ZNF346: variants seen among roughly 807,000 people sequenced by gnomAD.
ZNF346 encodes zinc finger protein 346, also known as double-stranded RNA-binding zinc finger protein JAZ.
A neutral mutation model predicts 33.7 loss-of-function variants in ZNF346; 23 were observed. The observed-to-expected ratio is 0.68, with a 90% confidence interval of 0.49 to 0.97. The LOEUF (loss-of-function observed/expected upper bound fraction) is 0.97. ZNF346 is among the 50% of genes least tolerant of loss of function. ZNF346 has a pLI of 0.00. For missense variants in ZNF346, 340 were observed against 371.1 expected (o/e 0.92, Z 0.69); for synonymous variants, 134 against 142.4 (o/e 0.94, Z 0.42).
chr5:177,079,842 G>T (rs1298340304), exon 9 of ZNF346: 2 of 152,288 alleles, frequency 1.3e-5, no homozygotes, highest in Non-Finnish European at 2.9e-5. Context: ...TGGGTGTGAG[G>T]CTTGTAGGCC....
At chr5:177,069,419 C>T (rs1403741125), downstream of ZNF346, among the ~76,000 whole-genome samples, 3 of 150,000 alleles carry the variant, frequency 2.0e-5, no homozygotes, top group East Asian at 5.9e-4. Context: ...CGCCACTGCA[C>T]TCCAGCCTAG....
At chr5:177,073,734 A>G (rs73806719) in intron 8 of ZNF346, among the ~76,000 whole-genome samples, 101 of 150,060 alleles carry the variant, frequency 6.7e-4, no homozygotes, top group African/African-American at 2.3e-3. Context: ...GATTGTTTCA[A>G]TAATGGCCTC....
intron 1 of ZNF346, 62 bp from the exon 2 acceptor site, chr5:177,041,064 A>G: frequency 7.6e-7 from 1 of 1,310,236 alleles, no homozygotes; most frequent in Non-Finnish European, 1.1e-6. Flanking sequence ...GGCAGGGTTC[A>G]AAGGCAGTGC....
intron 1 of ZNF346, among the ~76,000 whole-genome samples, chr5:177,027,447 G>A (rs1776954782): frequency 6.6e-6 from 1 of 151,770 alleles, no homozygotes. Flanking sequence ...TTAGCCAGGT[G>A]TGGTGGCTCA....
intron 5 of ZNF346, among the ~76,000 whole-genome samples, chr5:177,061,217 C>T (rs910597396): frequency 5.3e-5 from 8 of 152,170 alleles, no homozygotes; most frequent in African/African-American, 1.9e-4. Context: ...GAGGCCTAGA[C>T]GGATGGATCA....
chr5:177,029,595 A>C lies in ZNF346; in HGVS notation c.175+6682A>C, dbSNP rs114508601. On this transcript the variant is annotated intron_variant, in intron 1 of 6. Coordinates refer to ENST00000358149, the MANE Select transcript of ZNF346 (RefSeq NM_012279.4). ...AGGCAACTCTTAGAGCAAGAGTGAA[A>C]GTTTATTAAAAAGTTTTAGGGCAGG... 9.1e-3 allele frequency among the ~76,000 whole-genome samples: 1,384 copies of C among 152,346 alleles called. 8 individuals carry two copies. Among genetic ancestry groups the C allele is most frequent in the South Asian group, 0.025 (120 of 4,828 alleles).
chr5:177,074,910 CA>C (rs1479315521), intron 8 of ZNF346, among the ~76,000 whole-genome samples: 1 of 151,350 alleles, frequency 6.6e-6, no homozygotes, highest in Non-Finnish European at 1.5e-5. Flanking sequence ...ACTAAAAATA[CA>C]AAAATTTAGC....
At position 177,064,601 on chromosome 5, in the gene ZNF346, G is replaced by A. The variant is rs151183135; in HGVS notation, c.*2G>A. Reference sequence around the variant, plus strand: ...GACTCAACCACCTTGGAAGACTAGAGGTGATTCTGCCCAGCATCCCATATT... The same window carrying A: ...GACTCAACCACCTTGGAAGACTAGAAGTGATTCTGCCCAGCATCCCATATT... On this transcript the variant is annotated 3_prime_UTR_variant, in exon 7 of 7. Transcript: ENST00000358149. 1 of 1,613,428 alleles carries A rather than the reference G, an allele frequency of 6.2e-7. No individual in the cohort carries two copies.
In ZNF346 at chr5:177,064,565, C is replaced by T. The variant is rs1782963021; in HGVS notation, c.851C>T (p.Pro284Leu). Residue 284 changes from proline (P) to leucine (L), a missense_variant, in exon 7 of 7, where the codon CCC becomes CTC. Coordinates refer to ENST00000358149, the MANE Select transcript of ZNF346 (RefSeq NM_012279.4). ...SLGQIPMQRQ[P>L]IQKDSTTLED ...GGCCAGATTCCAATGCAAAGGCAAC[C>T]CATTCAGAAAGACTCAACCACCTTG... 2 of 1,614,110 alleles carry T rather than the reference C, an allele frequency of 1.2e-6. No individual in the cohort carries two copies. The highest frequency in any genetic ancestry group is 1.7e-6 in the Non-Finnish European group (2 of 1,180,040).
chr5:177,079,864 A>G (rs1335469644), exon 9 of ZNF346: 1 of 152,198 alleles, frequency 6.6e-6, no homozygotes, highest in East Asian at 1.9e-4. Context: ...AAGTCTAGAG[A>G]GGCTGAGTCT....
chr5:177,073,953 G>T (rs1203045093), intron 8 of ZNF346, among the ~76,000 whole-genome samples: 1 of 152,036 alleles, frequency 6.6e-6, no homozygotes, highest in Non-Finnish European at 1.5e-5. Flanking sequence ...TGCAGCTTCC[G>T]TTCCTGACCC....
intron 1 of ZNF346, among the ~76,000 whole-genome samples, chr5:177,026,621 C>T (rs930016580): frequency 2.0e-5 from 3 of 151,992 alleles, no homozygotes; most frequent in Admixed American, 6.6e-5. Context: ...CTTGGCCTCC[C>T]GAAGTGTTGG....
intron 1 of ZNF346, among the ~76,000 whole-genome samples, chr5:177,025,923 A>G (rs1776696789): frequency 6.6e-6 from 1 of 152,052 alleles, no homozygotes; most frequent in Non-Finnish European, 1.5e-5. Flanking sequence ...CTTTAGTGTC[A>G]TATCTAAGAA....
intron 5 of ZNF346, 115 bp from the exon 6 acceptor site, chr5:177,061,943 C>G: frequency 1.2e-6 from 1 of 838,764 alleles, no homozygotes; most frequent in Non-Finnish European, 2.0e-6. Context: ...GGGCCAGCAA[C>G]CTCACCTCGC....
Position 177,047,749 on chromosome 5 carries a change from A to AC in ZNF346, c.518-2999dup, listed in dbSNP as rs527705554. ...TTGAATTCCTGACCTCAGGTGATCC[A>AC]CCCACCTCAGCCTCCCAAAGTTCTG... On this transcript the variant is annotated intron_variant, in intron 4 of 6. Coordinates refer to ENST00000358149, the MANE Select transcript of ZNF346 (RefSeq NM_012279.4). Among the ~76,000 whole-genome samples the AC allele has an allele frequency of 6.6e-5, 10 of 152,050 alleles. No individual in the cohort carries two copies. In the East Asian group the frequency reaches 1.5e-3, roughly 24 times the overall value.
chr5:177,053,134 G>C (rs1781181333), intron 5 of ZNF346, among the ~76,000 whole-genome samples: 3 of 151,930 alleles, frequency 2.0e-5, no homozygotes, highest in Admixed American at 1.3e-4. Flanking sequence ...TGGCCAATAT[G>C]GTGAAACCCA....
rs772583780 is a variant in ZNF346 at position 177,050,968 on chromosome 5, A to G, written c.703+32A>G. 9 of 1,585,318 alleles carry G rather than the reference A, an allele frequency of 5.7e-6. No homozygotes were observed. In the South Asian group the frequency reaches 9.9e-5, roughly 18 times the overall value. On this transcript the variant is annotated intron_variant, in intron 5 of 6. Transcript: ENST00000358149. ...GGGCCTAGCTCACACCCAGAGCTGG[A>G]CCAGGGTTTGGCCACTGGGGCTACC...
chr5:177,030,432 A>C (rs967215132), intron 1 of ZNF346, among the ~76,000 whole-genome samples: 2 of 151,062 alleles, frequency 1.3e-5, no homozygotes, highest in Non-Finnish European at 3.0e-5. Flanking sequence ...CAGCATGGCC[A>C]ATATGGTGAA....
chr5:177,036,183 A>G (rs1778487149), intron 1 of ZNF346, among the ~76,000 whole-genome samples: 2 of 152,164 alleles, frequency 1.3e-5, no homozygotes, highest in South Asian at 2.1e-4. Context: ...GGGGCTGGCC[A>G]GACATCTCTC....
Sources: allele counts gnomAD v4.1 joint callset (sites outside exome capture counted in the v4.1 genomes callset), GRCh38; gene constraint gnomAD v4.1.1; transcripts MANE v1.5; gene names NCBI Gene and HGNC (gene_info 2026-07-23, HGNC 2026-07-21).